The following CCDC85A variants were observed in gnomAD, a reference collection of about 807,000 sequenced individuals.
CCDC85A encodes coiled-coil domain containing 85A.
CCDC85A carries 38 observed loss-of-function variants against 50.2 expected under a neutral mutation model. The ratio of observed to expected loss-of-function variants is 0.76; its 90% confidence interval spans 0.58 to 0.99. The LOEUF is 0.99. Ranked by LOEUF, CCDC85A falls within the 50% of genes least tolerant of loss-of-function variation. CCDC85A has a pLI of 0.00. For synonymous variants in CCDC85A, 366 were observed against 301.4 expected (o/e 1.21, Z -2.22); for missense variants, 820 against 742.0 (o/e 1.11, Z -1.22).
chr2:56,213,333 G>C (rs1274033900), intron 2 of CCDC85A, among the ~76,000 whole-genome samples: 3 of 151,896 alleles, frequency 2.0e-5, no homozygotes, highest in African/African-American at 7.3e-5. Flanking sequence ...TGCTATTAGA[G>C]TGTTAGGTCA....
At chr2:56,234,827 A>G (rs1182931219) in intron 2 of CCDC85A, among the ~76,000 whole-genome samples, 1 of 152,126 alleles carries the variant, frequency 6.6e-6, no homozygotes, top group Non-Finnish European at 1.5e-5. Flanking sequence ...GATTTTAGGG[A>G]AGACACTATG....
chr2:56,274,342 G>C lies in CCDC85A; in HGVS notation c.1241-68537G>C, dbSNP rs1442202120. Among the ~76,000 whole-genome samples, 3 of 152,122 alleles carry C rather than the reference G, an allele frequency of 2.0e-5. No individual in the cohort carries two copies. The East Asian group carries it at 5.8e-4, about 29-fold the overall frequency. ...TGAGAGAGTTTTGATTTTAAGAAATGATTGTGGGGGCTGACAAGTTTGAAA... is the reference window on the plus strand; with the variant it reads ...TGAGAGAGTTTTGATTTTAAGAAATCATTGTGGGGGCTGACAAGTTTGAAA... On this transcript the variant is annotated intron_variant, in intron 2 of 5. Transcript: ENST00000407595.
chr2:56,377,732 C>T (rs1176987584), intron 5 of CCDC85A, among the ~76,000 whole-genome samples: 2 of 151,900 alleles, frequency 1.3e-5, no homozygotes, highest in African/African-American at 4.8e-5. Flanking sequence ...ACTAAAAATA[C>T]AAAAATTCAG....
chr2:56,236,234 G>A (rs188833497), intron 2 of CCDC85A, among the ~76,000 whole-genome samples: 190 of 152,292 alleles, frequency 1.2e-3, no homozygotes, highest in African/African-American at 4.4e-3. Flanking sequence ...GAGCACTCTA[G>A]TGTCATACTA....
intron 2 of CCDC85A, among the ~76,000 whole-genome samples, chr2:56,252,934 A>G (rs12620171): frequency 2.6e-5 from 4 of 151,870 alleles, no homozygotes; most frequent in Non-Finnish European, 5.9e-5. Context: ...CAGGAGAATC[A>G]CTTGAACTGG....
At chr2:56,258,390 C>T (rs1358473348) in intron 2 of CCDC85A, among the ~76,000 whole-genome samples, 1 of 152,130 alleles carries the variant, frequency 6.6e-6, no homozygotes, top group Non-Finnish European at 1.5e-5. Context: ...AAAGGAAAGA[C>T]AGTGTGTTTT....
intron 1 of CCDC85A, among the ~76,000 whole-genome samples, chr2:56,185,945 G>A (rs1160643694): frequency 6.6e-6 from 1 of 152,192 alleles, no homozygotes; most frequent in Non-Finnish European, 1.5e-5. Flanking sequence ...GAAGGCACAA[G>A]CTGTTCTTTT....
intron 2 of CCDC85A, among the ~76,000 whole-genome samples, chr2:56,268,351 A>T (rs920593297): frequency 6.6e-6 from 1 of 152,150 alleles, no homozygotes; most frequent in Non-Finnish European, 1.5e-5. Flanking sequence ...TAATCCCAGC[A>T]CTTTGGGAGG....
chr2:56,345,118 A>C (rs1181177780), intron 3 of CCDC85A, among the ~76,000 whole-genome samples: 1 of 152,304 alleles, frequency 6.6e-6, no homozygotes, highest in South Asian at 2.1e-4. Flanking sequence ...CAACTACTCA[A>C]TTTAAAGTGT....
At chr2:56,361,117 G>T (rs1675501401) in intron 3 of CCDC85A, among the ~76,000 whole-genome samples, 1 of 152,194 alleles carries the variant, frequency 6.6e-6, no homozygotes, top group South Asian at 2.1e-4. Flanking sequence ...AGCCGGGCGT[G>T]GTGGCGGGTG....
intron 1 of CCDC85A, among the ~76,000 whole-genome samples, chr2:56,187,140 A>C (rs988509263): frequency 1.3e-5 from 2 of 152,200 alleles, no homozygotes; most frequent in Non-Finnish European, 2.9e-5. Flanking sequence ...GGTTGATTGA[A>C]TAAATGATGG....
At chr2:56,218,357 G>A (rs561630031) in intron 2 of CCDC85A, among the ~76,000 whole-genome samples, 1 of 151,678 alleles carries the variant, frequency 6.6e-6, no homozygotes, top group Non-Finnish European at 1.5e-5. Flanking sequence ...TTTGCCAATA[G>A]TAATAGGTAT....
At chr2:56,291,141 G>T (rs1045634911) in intron 2 of CCDC85A, among the ~76,000 whole-genome samples, 26 of 152,292 alleles carry the variant, frequency 1.7e-4, no homozygotes, top group African/African-American at 6.3e-4. Context: ...CTCATATAGA[G>T]GCAAATTTTG....
intron 2 of CCDC85A, among the ~76,000 whole-genome samples, chr2:56,274,270 G>T (rs1270894124): frequency 6.6e-6 from 1 of 152,146 alleles, no homozygotes; most frequent in Non-Finnish European, 1.5e-5. Flanking sequence ...CCAAAAGTAT[G>T]TGTGTGTATA....
In CCDC85A at chr2:56,198,696, A is replaced by G. The variant is rs150386154; in HGVS notation, c.1240+5256A>G. On this transcript the variant is annotated intron_variant, in intron 2 of 5. Transcript: ENST00000407595. ...AGAAAGGTATTTTCTAGTACAGTGT[A>G]AGGTTTTCAACTCCACTGACAATGA... is the stretch of plus-strand genomic sequence containing the variant. Among the ~76,000 whole-genome samples the G allele has an allele frequency of 2.2e-3, 342 of 152,350 alleles. 3 individuals carry two copies. Among genetic ancestry groups the G allele is most frequent in the African/African-American group, 7.8e-3 (325 of 41,582 alleles).
chr2:56,379,892 C>CG, intron 5 of CCDC85A: 8 of 602,458 alleles, frequency 1.3e-5, no homozygotes, highest in African/African-American at 2.0e-5. Flanking sequence ...TTGAAAGCCA[C>CG]ATCGTAGCTT....
chr2:56,242,576 C>A (rs1229985680), intron 2 of CCDC85A, among the ~76,000 whole-genome samples: 23 of 152,088 alleles, frequency 1.5e-4, no homozygotes. Context: ...AGGGATCTGC[C>A]CCATGAGCCA....
intron 2 of CCDC85A, among the ~76,000 whole-genome samples, chr2:56,216,301 C>T (rs927269008): frequency 9.2e-5 from 14 of 151,692 alleles, no homozygotes; most frequent in East Asian, 5.8e-4. Flanking sequence ...CCACATGTTC[C>T]GGAGTGGATA....
chr2:56,367,313 T>C (rs1675843732), intron 3 of CCDC85A, among the ~76,000 whole-genome samples: 1 of 152,150 alleles, frequency 6.6e-6, no homozygotes. Flanking sequence ...TAATTTCTTA[T>C]TTGGGGGTGG....
Sources: gnomAD v4.1 joint callset for allele counts (sites outside exome capture counted in the v4.1 genomes callset) on GRCh38, gnomAD v4.1.1 for gene constraint, MANE v1.5 for transcripts, NCBI Gene and HGNC (gene_info 2026-07-23, HGNC 2026-07-21) for gene names.